The following POLR3A variants were observed in gnomAD, a reference collection of about 807,000 sequenced individuals.
POLR3A encodes RNA polymerase III subunit A, also known as DNA-directed RNA polymerase III subunit RPC1.
POLR3A carries 112 observed loss-of-function variants against 152.8 expected under a neutral mutation model. That is an observed-to-expected ratio of 0.73 (90% CI 0.63 to 0.86). POLR3A has a LOEUF of 0.86. Among genes scored for constraint, POLR3A ranks in the 40% least tolerant of loss-of-function variants. The probability of loss-of-function intolerance (pLI) is 0.00; values close to 1 mark genes in which losing one functional copy is unlikely to be tolerated. For synonymous variants in POLR3A, 615 were observed against 652.1 expected, an observed-to-expected ratio of 0.94 and a Z score of 0.87; for missense variants, 1,385 against 1,743.1, an observed-to-expected ratio of 0.79 and a Z score of 3.66.
chr10:78,011,311 C>T (rs188875393), intron 11 of POLR3A, among the ~76,000 whole-genome samples: 4 of 152,176 alleles, frequency 2.6e-5, no homozygotes, highest in African/African-American at 9.6e-5. Context: ...ATAATCAATC[C>T]AACAACAGAA....
chr10:77,988,433 A>T (rs562201046), intron 21 of POLR3A, among the ~76,000 whole-genome samples: 2 of 152,212 alleles, frequency 1.3e-5, no homozygotes, highest in South Asian at 4.1e-4. Context: ...GAGGCAGGAG[A>T]ATCACTTGAA....
chr10:77,995,576 A>C (rs1191027872), intron 19 of POLR3A, among the ~76,000 whole-genome samples: 3 of 152,256 alleles, frequency 2.0e-5, no homozygotes, highest in East Asian at 1.9e-4. Context: ...GCCATTACAT[A>C]ATGGTAAAGG....
At chr10:78,016,817 A>G (rs1847529088) in intron 10 of POLR3A, among the ~76,000 whole-genome samples, 1 of 147,966 alleles carries the variant, frequency 6.8e-6, no homozygotes, top group Admixed American at 6.7e-5. Flanking sequence ...CAAAGCTGCA[A>G]TGAGCCAGAC....
At position 77,977,401 on chromosome 10, in the gene POLR3A, G is replaced by A. The variant is rs1335746909; in HGVS notation, c.*77C>T. On this transcript the variant is annotated 3_prime_UTR_variant, in exon 31 of 31. Transcript: ENST00000372371. ...GGGACCTCAGGACCCCCGTCCCAGG[G>A]AGCACAAAACTCTTTATACATCAGC... 1.3e-6 allele frequency: 2 copies of A among 1,504,560 alleles called. No homozygotes were observed. Among genetic ancestry groups the A allele is most frequent in the Admixed American group, 1.7e-5 (1 of 59,830 alleles). 93.2% of individuals were successfully genotyped at this position (1,504,560 alleles called of 1,614,324 possible). A position where few individuals can be genotyped will look rare whatever the true frequency, so the allele number is the denominator to read the frequency against.
At position 78,029,462 on chromosome 10, in the gene POLR3A, G is replaced by T. The variant is rs1347713696; in HGVS notation, c.-55C>A. ...ACTCGGGAGGCCAGATTAGAGAAAC[G>T]ATGCCCCCAGCACCTCCTGGGGCTG... is the stretch of plus-strand genomic sequence containing the variant. On this transcript the variant is annotated 5_prime_UTR_variant, in exon 1 of 31. Coordinates refer to ENST00000372371, the MANE Select transcript of POLR3A (RefSeq NM_007055.4). 2 of 1,585,114 alleles carry T rather than the reference G, an allele frequency of 1.3e-6. No individual in the cohort carries two copies. The highest frequency in any genetic ancestry group is 1.3e-5 in the African/African-American group (1 of 74,332).
At chr10:77,981,627 C>G (rs1409218606) in intron 28 of POLR3A, 68 bp from the exon 29 acceptor site, 3 of 1,557,268 alleles carry the variant, frequency 1.9e-6, no homozygotes, top group Non-Finnish European at 2.7e-6. Context: ...TCTCCACTTT[C>G]TCCTCTGCCC....
chr10:77,977,722 G>T, intron 30 of POLR3A, 96 bp from the exon 31 acceptor site: 1 of 1,015,870 alleles, frequency 9.8e-7, no homozygotes, highest in Non-Finnish European at 1.6e-6. Flanking sequence ...AAATTAGGAT[G>T]TGAGTCCCAG....
rs766223853 is a variant in POLR3A, at chr10:78,009,643, G to A, written c.1803C>T (p.Phe601=). Residue 601 remains phenylalanine (F), a synonymous_variant, in exon 14 of 31, where the codon TTC becomes TTT. Transcript: ENST00000372371. ...PVTLWTGKQI[F]SVILRPSDDN... ...CATCGCTAGGCCTGAGGATGACACT[G>A]AAGATCTGCTTTCCCGTCCACAGGG... 6.2e-7 allele frequency: 1 copy of A among 1,614,166 alleles called. No individual in the cohort carries two copies. The highest frequency in any genetic ancestry group is 2.2e-5 in the East Asian group (1 of 44,868).
At chr10:77,981,597 C>A in intron 28 of POLR3A, 38 bp from the exon 29 acceptor site, 1 of 1,612,346 alleles carries the variant, frequency 6.2e-7, no homozygotes. Context: ...CAGCCCCTTC[C>A]GGGAGGCCAC....
In POLR3A at chr10:78,011,296, T is replaced by C. The variant is rs147125782; in HGVS notation, c.1573-756A>G. 3.4e-3 allele frequency among the ~76,000 whole-genome samples: 525 copies of C among 152,340 alleles called. 5 individuals are homozygous for C. The highest frequency in any genetic ancestry group is 0.012 in the African/African-American group (490 of 41,580). On this transcript the variant is annotated intron_variant, in intron 11 of 30. Coordinates refer to ENST00000372371, the MANE Select transcript of POLR3A (RefSeq NM_007055.4). ...GTCCCTTGGTTAAGACATTACGTTC[T>C]AATAATAATCAATCCAACAACAGAA...
At chr10:78,022,106 A>C in intron 6 of POLR3A, 39 bp downstream of exon 6, 1 of 1,614,150 alleles carries the variant, frequency 6.2e-7, no homozygotes. Flanking sequence ...TTTTGGATAG[A>C]TATACTATGA....
chr10:78,025,334 G>A (rs1274407394), intron 3 of POLR3A, among the ~76,000 whole-genome samples, 192 bp from the exon 4 acceptor site: 4 of 152,078 alleles, frequency 2.6e-5, no homozygotes, highest in Non-Finnish European at 5.9e-5. Flanking sequence ...ACAGCCAGTA[G>A]GCAGACTTTG....
chr10:77,989,797 C>T (rs1040936292), intron 21 of POLR3A, among the ~76,000 whole-genome samples: 5 of 151,898 alleles, frequency 3.3e-5, no homozygotes, highest in East Asian at 1.9e-4. Context: ...CAGATAAATA[C>T]GTAAACATGA....
chr10:77,997,966 TG>T (rs1847318676), intron 19 of POLR3A, among the ~76,000 whole-genome samples: 1 of 152,080 alleles, frequency 6.6e-6, no homozygotes, highest in Admixed American at 6.5e-5. Context: ...TATAGACCAG[TG>T]GAACAGAACA....
rs539864808 is a variant in POLR3A, at chr10:77,995,512, T to C, written c.2617-2145A>G. On this transcript the variant is annotated intron_variant, in intron 19 of 30. Coordinates refer to ENST00000372371, the MANE Select transcript of POLR3A (RefSeq NM_007055.4). ...CAAAAAAAGGCAGGGGTGGCAATCC[T>C]AGTCTCTGATAAAACAGACTTTAAA... Among the ~76,000 whole-genome samples the C allele has an allele frequency of 2.7e-3, 418 of 152,270 alleles. 4 individuals carry two copies. Among genetic ancestry groups the C allele is most frequent in the African/African-American group, 9.4e-3 (391 of 41,548 alleles).
In POLR3A at chr10:77,983,913, G is replaced by A; in HGVS notation, c.3429+7C>T. The A allele has an allele frequency of 6.4e-7, 1 of 1,559,236 alleles. No homozygotes were observed. Among genetic ancestry groups the A allele is most frequent in the Non-Finnish European group, 8.8e-7 (1 of 1,130,078 alleles). ...ACTTCCTCTCTACATTTAATTATGT[G>A]ACTCACTTCCAGTCTCAGAAGCCTA... is the stretch of plus-strand genomic sequence containing the variant. On this transcript the variant is annotated splice_region_variant and intron_variant, in intron 26 of 30. Coordinates refer to ENST00000372371, the MANE Select transcript of POLR3A (RefSeq NM_007055.4).
intron 11 of POLR3A, among the ~76,000 whole-genome samples, chr10:78,011,269 A>G (rs1847464052): frequency 1.3e-5 from 2 of 152,192 alleles, no homozygotes; most frequent in Admixed American, 1.3e-4. Flanking sequence ...GAACTGTTAA[A>G]TGTCCCTTGG....
At chr10:78,029,323 C>T (rs772964469) in intron 1 of POLR3A, 41 bp downstream of exon 1, 1 of 1,608,418 alleles carries the variant, frequency 6.2e-7, no homozygotes, top group South Asian at 1.1e-5. Context: ...GGACCCCTTG[C>T]CCTATTTCTC....
Position 78,000,023 on chromosome 10 carries a change from T to C in POLR3A, c.2574A>G (p.Leu858=), listed in dbSNP as rs746298128. The C allele has an allele frequency of 1.2e-6, 2 of 1,614,068 alleles. No individual in the cohort carries two copies. The highest frequency in any genetic ancestry group is 8.5e-7 in the Non-Finnish European group (1 of 1,179,938). ...CAGCTGTCTTTACAGCCGTGTCGACTAGACCTTCCCGGCCGGCCATTGTGT... is the reference window on the plus strand; with the variant it reads ...CAGCTGTCTTTACAGCCGTGTCGACCAGACCTTCCCGGCCGGCCATTGTGT... ...FFHTMAGREG[L]VDTAVKTAET... Residue 858 remains leucine, a synonymous_variant, in exon 19 of 31, where the codon CTA becomes CTG. Coordinates refer to ENST00000372371, the MANE Select transcript of POLR3A (RefSeq NM_007055.4).
Sources: gnomAD v4.1 joint callset for allele counts (sites outside exome capture counted in the v4.1 genomes callset) on GRCh38, gnomAD v4.1.1 for gene constraint, MANE v1.5 for transcripts, NCBI Gene and HGNC (gene_info 2026-07-23, HGNC 2026-07-21) for gene names.